NTM: variants seen among roughly 807,000 people sequenced by gnomAD.
NTM encodes the protein IgLON family member 2.
Under a neutral mutation model 42.1 loss-of-function variants are expected in NTM, and 13 were observed. The ratio of observed to expected loss-of-function variants is 0.31; its 90% CI spans 0.20 to 0.49. The LOEUF (loss-of-function observed/expected upper bound fraction) is 0.49. Among genes scored for constraint, NTM ranks in the 20% least tolerant of loss-of-function variants. NTM has a pLI of 0.99. For missense variants in NTM, 373 were observed against 452.8 expected (o/e 0.82, Z 1.60); for synonymous variants, 187 against 179.2 (o/e 1.04, Z -0.35).
intron 6 of NTM, chr11:132,312,637 C>T (rs2095313186): frequency 6.5e-6 from 1 of 154,822 alleles, no homozygotes; most frequent in Admixed American, 6.5e-5. Context: ...CAGGAGCCTA[C>T]TTTCAGTTAA....
intron 1 of NTM, among the ~76,000 whole-genome samples, chr11:131,495,988 C>A (rs1340453225): frequency 6.6e-6 from 1 of 152,218 alleles, no homozygotes; most frequent in Non-Finnish European, 1.5e-5. Flanking sequence ...TCTTTTCCAA[C>A]TCTGCCGAAC....
intron 1 of NTM, among the ~76,000 whole-genome samples, chr11:131,789,667 A>C (rs1321845447): frequency 8.2e-6 from 1 of 121,626 alleles, no homozygotes; most frequent in African/African-American, 3.0e-5. Flanking sequence ...GAAGAAGAAG[A>C]AAGCATGGGC....
chr11:131,410,630 TC>T (rs1221438880), intron 1 of NTM, among the ~76,000 whole-genome samples: 1 of 151,426 alleles, frequency 6.6e-6, no homozygotes, highest in African/African-American at 2.4e-5. Flanking sequence ...CTTGCGTCAA[TC>T]TTTTTTTGTA....
intron 1 of NTM, among the ~76,000 whole-genome samples, chr11:131,385,647 G>A (rs1288187361): frequency 6.6e-6 from 1 of 152,140 alleles, no homozygotes; most frequent in East Asian, 1.9e-4. Context: ...AAGCCCAAGA[G>A]TTCATGACCA....
intron 2 of NTM, among the ~76,000 whole-genome samples, chr11:131,944,049 T>G (rs2060087767): frequency 6.6e-6 from 1 of 152,198 alleles, no homozygotes; most frequent in Non-Finnish European, 1.5e-5. Context: ...TAAACTTTTC[T>G]GAAACATTTT....
At chr11:132,295,499 G>A (rs1034049179) in intron 4 of NTM, among the ~76,000 whole-genome samples, 2 of 152,196 alleles carry the variant, frequency 1.3e-5, no homozygotes, top group African/African-American at 4.8e-5. Context: ...CAATGCTAGA[G>A]AAACAAATAA....
chr11:132,275,390 G>A (rs888698319), intron 4 of NTM, among the ~76,000 whole-genome samples: 1 of 151,966 alleles, frequency 6.6e-6, no homozygotes, highest in Admixed American at 6.6e-5. Context: ...TTCCATCAAT[G>A]TATATATCAA....
intron 1 of NTM, among the ~76,000 whole-genome samples, chr11:131,544,420 G>A (rs1309158989): frequency 1.3e-5 from 2 of 151,862 alleles, no homozygotes; most frequent in African/African-American, 4.8e-5. Flanking sequence ...TCTATTCCTG[G>A]TACACAAAGC....
intron 1 of NTM, among the ~76,000 whole-genome samples, chr11:131,499,358 G>A (rs1373402041): frequency 6.6e-6 from 1 of 152,106 alleles, no homozygotes; most frequent in African/African-American, 2.4e-5. Flanking sequence ...TTCATAGAGT[G>A]AGAGGATGTT....
chr11:131,960,128 G>A (rs911381397), intron 2 of NTM, among the ~76,000 whole-genome samples: 2 of 152,154 alleles, frequency 1.3e-5, no homozygotes, highest in African/African-American at 2.4e-5. Flanking sequence ...ACCTCTGAGC[G>A]TAAAAGTCAC....
chr11:132,103,285 G>T (rs1214315104), intron 2 of NTM, among the ~76,000 whole-genome samples: 1 of 152,172 alleles, frequency 6.6e-6, no homozygotes, highest in Admixed American at 6.5e-5. Context: ...TGGGGTCCAC[G>T]GTGGCTCCAA....
intron 1 of NTM, among the ~76,000 whole-genome samples, chr11:131,768,126 T>A (rs538374572): frequency 1.5e-3 from 219 of 148,362 alleles, no homozygotes; most frequent in African/African-American, 4.8e-3. Flanking sequence ...AACTTATTTT[T>A]TTTTTTTTTT....
In NTM at chr11:131,511,025, C is replaced by T. The variant is rs964234710; in HGVS notation, c.82+140137C>T. ...GTGCGGTTTGAGGAAGTCACCCTCT[C>T]GGGAACTCCAGTTCTTCAGGTTAAA... On this transcript the variant is annotated intron_variant, in intron 1 of 8. Coordinates refer to ENST00000683400, the MANE Select transcript of NTM (RefSeq NM_001352005.2). 6.6e-5 allele frequency among the ~76,000 whole-genome samples: 10 copies of T among 151,948 alleles called. No homozygotes were observed. The South Asian group carries it at 8.3e-4, about 13-fold the overall frequency.
chr11:131,578,127 CTT>C (rs138475701), intron 1 of NTM, among the ~76,000 whole-genome samples: 8 of 152,220 alleles, frequency 5.3e-5, no homozygotes, highest in African/African-American at 1.7e-4. Context: ...AGAGATGACA[CTT>C]ATCAAATTTG....
chr11:131,804,637 C>T, intron 1 of NTM, among the ~76,000 whole-genome samples: 1 of 152,188 alleles, frequency 6.6e-6, no homozygotes, highest in Non-Finnish European at 1.5e-5. Context: ...GCCTCTGCAA[C>T]ATCTTCTCTC....
chr11:132,232,881 G>A (rs985083738), intron 4 of NTM, among the ~76,000 whole-genome samples: 4 of 152,152 alleles, frequency 2.6e-5, no homozygotes, highest in African/African-American at 7.2e-5. Context: ...AAACGTAAGC[G>A]GCGTTTATGA....
intron 6 of NTM, among the ~76,000 whole-genome samples, chr11:132,311,471 A>G (rs1429427787): frequency 6.6e-6 from 1 of 152,232 alleles, no homozygotes; most frequent in Non-Finnish European, 1.5e-5. Flanking sequence ...ATGAAGAAAT[A>G]GAGCTGGCTT....
At chr11:131,881,822 C>A (rs1018792411) in intron 1 of NTM, among the ~76,000 whole-genome samples, 6 of 152,170 alleles carry the variant, frequency 3.9e-5, no homozygotes, top group Admixed American at 3.3e-4. Flanking sequence ...TGAGAAGTGA[C>A]CTGCATTCTT....
At chr11:131,533,606 T>C (rs1022478263) in intron 1 of NTM, among the ~76,000 whole-genome samples, 2 of 152,172 alleles carry the variant, frequency 1.3e-5, no homozygotes, top group Admixed American at 6.5e-5. Context: ...GCCCGTGTCA[T>C]TGAGGTGGGC....
Sources: gnomAD v4.1 joint callset for allele counts (sites outside exome capture counted in the v4.1 genomes callset) on GRCh38, gnomAD v4.1.1 for gene constraint, MANE v1.5 for transcripts, NCBI Gene and HGNC (gene_info 2026-07-23, HGNC 2026-07-21) for gene names.